MAPK10: variants seen among roughly 807,000 people sequenced by gnomAD.
The protein encoded by MAPK10 is mitogen-activated protein kinase 10.
MAPK10 carries 25 observed loss-of-function variants against 59.3 expected under a neutral mutation model. The ratio of observed to expected loss-of-function variants is 0.42; its 90% CI spans 0.31 to 0.59. The LOEUF is 0.59. Ranked by LOEUF, MAPK10 falls within the 20% of genes least tolerant of loss-of-function variation. MAPK10 has a pLI of 0.15. For synonymous variants in MAPK10, 190 were observed against 200.5 expected (o/e 0.95, Z 0.44); for missense variants, 351 against 568.9 (o/e 0.62, Z 3.90).
chr4:86,463,135 A>C (rs1279888972), intron 1 of MAPK10, among the ~76,000 whole-genome samples: 5 of 152,244 alleles, frequency 3.3e-5, no homozygotes, highest in African/African-American at 4.8e-5. Context: ...TAAATGGAGA[A>C]TGTTAACTGA....
At chr4:86,098,635 A>C (rs1407430518) in intron 8 of MAPK10, 40 bp from the exon 9 acceptor site, 11 of 1,441,002 alleles carry the variant, frequency 7.6e-6, no homozygotes, top group Non-Finnish European at 1.1e-5. Flanking sequence ...AAAGGGAGGA[A>C]AGTAAAGTTA....
At chr4:86,227,426 G>T (rs1212083439) in intron 2 of MAPK10, among the ~76,000 whole-genome samples, 1 of 149,960 alleles carries the variant, frequency 6.7e-6, no homozygotes, top group South Asian at 2.1e-4. Flanking sequence ...GGTGGAGCTT[G>T]CAGTGAGCTG....
At chr4:86,423,351 A>C (rs1293419887) in intron 1 of MAPK10, among the ~76,000 whole-genome samples, 1 of 152,138 alleles carries the variant, frequency 6.6e-6, no homozygotes, top group East Asian at 1.9e-4. Flanking sequence ...GTAAATTATG[A>C]CTCTCTGTTA....
chr4:86,207,686 A>G (rs1161911198), intron 2 of MAPK10, among the ~76,000 whole-genome samples: 2 of 152,052 alleles, frequency 1.3e-5, no homozygotes, highest in African/African-American at 4.8e-5. Flanking sequence ...TGAGCATGGA[A>G]TGTTCTTCCA....
At chr4:86,378,213 C>T (rs752619630) in intron 1 of MAPK10, among the ~76,000 whole-genome samples, 11 of 152,148 alleles carry the variant, frequency 7.2e-5, no homozygotes, top group African/African-American at 9.7e-5. Flanking sequence ...CATAGCCTGC[C>T]AGGCCCCACA....
At chr4:86,439,317 T>C (rs1272933009) in intron 1 of MAPK10, among the ~76,000 whole-genome samples, 1 of 152,172 alleles carries the variant, frequency 6.6e-6, no homozygotes. Context: ...CTCTTTTCTA[T>C]TCCTATAATT....
chr4:86,197,046 C>CT (rs1192246388), intron 2 of MAPK10, among the ~76,000 whole-genome samples: 1 of 152,056 alleles, frequency 6.6e-6, no homozygotes, highest in African/African-American at 2.4e-5. Flanking sequence ...TATATGGGCT[C>CT]TTTTTTGGTT....
At chr4:86,055,277 T>C (rs1476586170) in intron 11 of MAPK10, among the ~76,000 whole-genome samples, 1 of 132,534 alleles carries the variant, frequency 7.5e-6, no homozygotes, top group African/African-American at 3.1e-5. Context: ...AATTATTCTT[T>C]TCCTCATTCT....
intron 1 of MAPK10, among the ~76,000 whole-genome samples, chr4:86,448,958 C>T (rs774936065): frequency 3.3e-5 from 5 of 152,154 alleles, no homozygotes; most frequent in Non-Finnish European, 5.9e-5. Context: ...CCCTTGCATG[C>T]ACAGTTCACA....
intron 4 of MAPK10, among the ~76,000 whole-genome samples, chr4:86,156,604 T>C (rs1478241337): frequency 6.6e-6 from 1 of 152,022 alleles, no homozygotes; most frequent in African/African-American, 2.4e-5. Flanking sequence ...TGCCACCACT[T>C]TGGCTGTCCA....
intron 1 of MAPK10, among the ~76,000 whole-genome samples, chr4:86,496,659 T>C (rs898472624): frequency 1.3e-5 from 2 of 152,154 alleles, no homozygotes; most frequent in African/African-American, 4.8e-5. Context: ...TTTTTAAGAA[T>C]GCAGTACCCC....
At chr4:86,411,998 T>C (rs1479232603) in intron 1 of MAPK10, among the ~76,000 whole-genome samples, 5 of 152,356 alleles carry the variant, frequency 3.3e-5, no homozygotes, top group African/African-American at 1.2e-4. Context: ...ATAGCATTGA[T>C]GGTCTTTGCA....
intron 1 of MAPK10, among the ~76,000 whole-genome samples, chr4:86,515,164 G>A (rs947427850): frequency 1.3e-5 from 2 of 152,180 alleles, no homozygotes; most frequent in Non-Finnish European, 2.9e-5. Flanking sequence ...CCATGTTGCT[G>A]CAAATAGCAT....
At chr4:86,437,106 C>A (rs947833896) in intron 1 of MAPK10, among the ~76,000 whole-genome samples, 7 of 150,738 alleles carry the variant, frequency 4.6e-5, no homozygotes, top group Non-Finnish European at 7.4e-5. Context: ...CCCAGCTACT[C>A]GGGAGGCTGA....
intron 9 of MAPK10, among the ~76,000 whole-genome samples, chr4:86,072,133 T>C (rs2048156145): frequency 6.6e-6 from 1 of 150,640 alleles, no homozygotes; most frequent in South Asian, 2.1e-4. Flanking sequence ...GATTCCTAGG[T>C]CTTTTATTCT....
intron 1 of MAPK10, among the ~76,000 whole-genome samples, chr4:86,388,557 C>G (rs1172278397): frequency 6.6e-6 from 1 of 152,154 alleles, no homozygotes; most frequent in African/African-American, 2.4e-5. Flanking sequence ...AAACAAGTAT[C>G]TGTAGCTTGC....
At chr4:86,403,924 A>T (rs1744046378) in intron 1 of MAPK10, among the ~76,000 whole-genome samples, 4 of 152,100 alleles carry the variant, frequency 2.6e-5, no homozygotes, top group African/African-American at 9.7e-5. Context: ...ACTTTTTAAT[A>T]TGAAGCCTGA....
intron 1 of MAPK10, among the ~76,000 whole-genome samples, chr4:86,567,031 A>G (rs766547724): frequency 6.6e-6 from 1 of 152,210 alleles, no homozygotes; most frequent in Non-Finnish European, 1.5e-5. Flanking sequence ...TGATCGCTCC[A>G]GCCTGGGTGG....
chr4:86,555,724 G>T (rs1760214118), intron 1 of MAPK10, among the ~76,000 whole-genome samples: 1 of 152,074 alleles, frequency 6.6e-6, no homozygotes, highest in African/African-American at 2.4e-5. Flanking sequence ...ATGAGCTATA[G>T]CATAGGAAAG....
Sources: allele counts gnomAD v4.1 joint callset (sites outside exome capture counted in the v4.1 genomes callset), GRCh38; gene constraint gnomAD v4.1.1; transcripts MANE v1.5; gene names NCBI Gene and HGNC (gene_info 2026-07-23, HGNC 2026-07-21).